GSG1L: variants seen among roughly 807,000 people sequenced by gnomAD.
GSG1L encodes the protein GSG1 like.
In GSG1L, 24 loss-of-function variants were observed where a neutral mutation model predicts 42.1. That is an observed-to-expected ratio of 0.57 (90% confidence interval 0.41 to 0.80). The LOEUF (loss-of-function observed/expected upper bound fraction) is 0.80. GSG1L is among the 30% of genes least tolerant of loss of function. The pLI is 0.00. For synonymous variants in GSG1L, 215 were observed against 203.5 expected (o/e 1.06, Z -0.48); for missense variants, 445 against 472.2 (o/e 0.94, Z 0.53).
chr16:27,895,400 G>A (rs139739494), intron 2 of GSG1L, among the ~76,000 whole-genome samples: 3 of 152,094 alleles, frequency 2.0e-5, no homozygotes, highest in African/African-American at 7.2e-5. Context: ...CGAGTTTCCA[G>A]CCTTGTCTCC....
intron 1 of GSG1L, among the ~76,000 whole-genome samples, chr16:28,045,309 T>G (rs1266055270): frequency 6.6e-6 from 1 of 152,154 alleles, no homozygotes; most frequent in Non-Finnish European, 1.5e-5. Flanking sequence ...GCTATGCATA[T>G]GTGAAGAAAG....
intron 2 of GSG1L, among the ~76,000 whole-genome samples, chr16:27,914,260 A>G (rs534414029): frequency 1.4e-4 from 22 of 152,220 alleles, no homozygotes; most frequent in Non-Finnish European, 2.5e-4. Context: ...TCATGGCTAC[A>G]TTATTTATAC....
intron 5 of GSG1L, among the ~76,000 whole-genome samples, chr16:27,813,258 A>G (rs1432283582): frequency 7.2e-6 from 1 of 139,796 alleles, no homozygotes; most frequent in Non-Finnish European, 1.6e-5. Flanking sequence ...TCCACCTTCA[A>G]GTAGGTCCTG....
intron 2 of GSG1L, among the ~76,000 whole-genome samples, chr16:27,940,829 T>A (rs1036975694): frequency 6.6e-6 from 1 of 151,046 alleles, no homozygotes; most frequent in African/African-American, 2.4e-5. Flanking sequence ...ATTGTGCGCA[T>A]GTACCCTAAA....
chr16:27,837,647 G>A (rs930063683), intron 4 of GSG1L, among the ~76,000 whole-genome samples: 4 of 152,218 alleles, frequency 2.6e-5, no homozygotes, highest in Non-Finnish European at 5.9e-5. Flanking sequence ...CCTTGTTACT[G>A]CCCAGCAGAG....
At chr16:27,946,367 A>G (rs1046759145) in intron 2 of GSG1L, among the ~76,000 whole-genome samples, 1 of 151,930 alleles carries the variant, frequency 6.6e-6, no homozygotes, top group Non-Finnish European at 1.5e-5. Context: ...CAACATGGCG[A>G]AACCCTGCCT....
At chr16:28,043,390 G>A (rs990554117) in intron 1 of GSG1L, among the ~76,000 whole-genome samples, 4 of 152,202 alleles carry the variant, frequency 2.6e-5, no homozygotes, top group Non-Finnish European at 2.9e-5. Context: ...CAAACATTCA[G>A]AGGTACCAAC....
At position 28,059,203 on chromosome 16, in the gene GSG1L, A is replaced by G. The variant is rs1206839139; in HGVS notation, c.349+3873T>C. Among the ~76,000 whole-genome samples the G allele has an allele frequency of 4.6e-5, 7 of 152,112 alleles. No homozygotes were observed. Among genetic ancestry groups the G allele is most frequent in the Admixed American group, 3.3e-4 (5 of 15,276 alleles). On this transcript the variant is annotated intron_variant, in intron 1 of 6. Transcript: ENST00000447459. This position sits in a 1 kb window ranked among gnomAD's most constrained non-coding sequence, Gnocchi z 4.4. ...GTTTCCTGCCTGAAACCACGCTGCT[A>G]GTAAGAGGCTGAGCCCAGCCTTGAA...
intron 2 of GSG1L, among the ~76,000 whole-genome samples, chr16:27,955,926 A>AAGG: frequency 7.2e-6 from 1 of 138,294 alleles, no homozygotes; most frequent in East Asian, 2.0e-4. Flanking sequence ...GGAAGGAAGG[A>AAGG]AAGAAGGAAG....
intron 3 of GSG1L, among the ~76,000 whole-genome samples, chr16:27,876,105 T>TA (rs1464764734): frequency 2.6e-5 from 4 of 152,194 alleles, no homozygotes. Flanking sequence ...AATATTCATC[T>TA]TTCTGACTTA....
intron 2 of GSG1L, among the ~76,000 whole-genome samples, chr16:27,902,014 G>A (rs867748825): frequency 2.6e-5 from 4 of 152,142 alleles, no homozygotes; most frequent in Admixed American, 6.5e-5. Context: ...CACCACTGCC[G>A]TCACACACAG....
intron 1 of GSG1L, among the ~76,000 whole-genome samples, chr16:28,056,266 T>A (rs1319520950): frequency 6.6e-6 from 1 of 151,996 alleles, no homozygotes; most frequent in Non-Finnish European, 1.5e-5. Flanking sequence ...GTGGCACATA[T>A]ACGCCATGGA....
intron 3 of GSG1L, among the ~76,000 whole-genome samples, chr16:27,870,334 C>T (rs1031140022): frequency 1.3e-5 from 2 of 149,114 alleles, no homozygotes; most frequent in Admixed American, 6.6e-5. Context: ...CTGTCTCCCT[C>T]CATCTGTCTC....
intron 2 of GSG1L, among the ~76,000 whole-genome samples, chr16:27,919,697 A>T (rs2084502500): frequency 6.6e-6 from 1 of 152,182 alleles, no homozygotes; most frequent in African/African-American, 2.4e-5. Flanking sequence ...CACCCTGACC[A>T]CACAGGCTGA....
At chr16:28,030,764 G>C in intron 1 of GSG1L, among the ~76,000 whole-genome samples, 1 of 141,152 alleles carries the variant, frequency 7.1e-6, no homozygotes, top group Non-Finnish European at 1.5e-5. Context: ...GGAATGGGAT[G>C]GGATGGGATG....
intron 2 of GSG1L, among the ~76,000 whole-genome samples, chr16:27,900,677 T>G (rs1815012866): frequency 6.6e-6 from 1 of 152,222 alleles, no homozygotes; most frequent in Non-Finnish European, 1.5e-5. Context: ...TCTCCAGCTC[T>G]GCACCTTTTC....
At chr16:27,816,979 T>G (rs2083101442) in intron 5 of GSG1L, among the ~76,000 whole-genome samples, 1 of 152,102 alleles carries the variant, frequency 6.6e-6, no homozygotes, top group Admixed American at 6.5e-5. Context: ...CATGTCACAG[T>G]CACTGTCCCC....
intron 2 of GSG1L, among the ~76,000 whole-genome samples, chr16:27,891,416 C>T (rs1465077442): frequency 6.6e-6 from 1 of 152,038 alleles, no homozygotes. Flanking sequence ...GACTCAGAAT[C>T]TTCCATAGTT....
At chr16:27,996,690 AT>A (rs1354436337) in intron 1 of GSG1L, among the ~76,000 whole-genome samples, 2 of 152,188 alleles carry the variant, frequency 1.3e-5, no homozygotes, top group Non-Finnish European at 2.9e-5. Context: ...CGCTCTATTC[AT>A]TTTCCATTGC....
Sources: allele counts gnomAD v4.1 joint callset (sites outside exome capture counted in the v4.1 genomes callset), GRCh38; gene constraint gnomAD v4.1.1; non-coding constraint Gnocchi (gnomAD v3.1); transcripts MANE v1.5; gene names NCBI Gene and HGNC (gene_info 2026-07-23, HGNC 2026-07-21).